Variants in LOXL2 observed in about 807,000 individuals in gnomAD.
LOXL2 encodes lysyl oxidase like 2, also known as lysyl oxidase homolog 2.
In LOXL2, 70 loss-of-function variants were observed where a neutral mutation model predicts 93.0. The ratio of observed to expected loss-of-function variants is 0.75; its 90% confidence interval spans 0.62 to 0.92. LOXL2 has a LOEUF of 0.92. Ranked by LOEUF, LOXL2 falls within the 40% of genes least tolerant of loss-of-function variation. LOXL2 has a pLI of 0.00. For synonymous variants in LOXL2, 438 were observed against 413.2 expected, an observed-to-expected ratio of 1.06 and a Z score of -0.73; for missense variants, 973 against 1,054.9, an observed-to-expected ratio of 0.92 and a Z score of 1.08.
At chr8:23,308,490 G>A (rs1235480197) in intron 10 of LOXL2, among the ~76,000 whole-genome samples, 2 of 152,192 alleles carry the variant, frequency 1.3e-5, no homozygotes, top group Non-Finnish European at 2.9e-5. Context: ...GCCCCTCGGG[G>A]GCTTCCTGCT....
rs530052696 is a variant in LOXL2 at position 23,389,754 on chromosome 8, T to C, written c.-84+14200A>G. 2.5e-3 allele frequency among the ~76,000 whole-genome samples: 387 copies of C among 152,270 alleles called. 3 individuals carry two copies. Among genetic ancestry groups the C allele is most frequent in the Non-Finnish European group, 4.4e-3 (296 of 68,018 alleles). The stretch of plus-strand genomic sequence containing the variant: ...TTCCCTAATATGAGTATGTGGGGCA[T>C]AGGACTCTCACAAAGCAGGCTTCAA... On this transcript the variant is annotated intron_variant, in intron 1 of 13. Coordinates refer to ENST00000389131, the MANE Select transcript of LOXL2 (RefSeq NM_002318.3).
intron 3 of LOXL2, among the ~76,000 whole-genome samples, chr8:23,343,771 C>G (rs1803924249): frequency 6.6e-6 from 1 of 152,200 alleles, no homozygotes; most frequent in South Asian, 2.1e-4. Flanking sequence ...AGCCCTCATT[C>G]AGGCCGCAGG....
rs151333703 is a variant in LOXL2 at position 23,354,248 on chromosome 8, G to T, written c.531+5842C>A. On this transcript the variant is annotated intron_variant, in intron 3 of 13. Coordinates refer to ENST00000389131, the MANE Select transcript of LOXL2 (RefSeq NM_002318.3). ...TCTGTGACCTGTCCCCAATCTCCAG[G>T]GGTTAATGAGGGTGAATGTTACAGA... Among the ~76,000 whole-genome samples the T allele has an allele frequency of 2.4e-3, 359 of 152,268 alleles. 1 individual carries two copies. The highest frequency in any genetic ancestry group is 8.3e-3 in the African/African-American group (344 of 41,550).
At chr8:23,317,817 A>C (rs1057513916) in intron 8 of LOXL2, among the ~76,000 whole-genome samples, 9 of 152,292 alleles carry the variant, frequency 5.9e-5, no homozygotes, top group African/African-American at 2.2e-4. Flanking sequence ...TGGGATCGTC[A>C]GGTACAGAAA....
chr8:23,344,458 GTA>G (rs1396359899), intron 3 of LOXL2, among the ~76,000 whole-genome samples: 2 of 151,034 alleles, frequency 1.3e-5, no homozygotes, highest in African/African-American at 4.8e-5. Flanking sequence ...TGTGTGGTGT[GTA>G]TCTCTGTGTC....
intron 3 of LOXL2, among the ~76,000 whole-genome samples, chr8:23,355,512 CTTTTTTTTTTT>C (rs58824822): frequency 0.28 from 22,879 of 80,760 alleles, 2,534 homozygotes; most frequent in Middle Eastern, 0.43. Context: ...TTGACATTCA[CTTTTTTTTTTT>C]TTTTTTTTTT....
intron 1 of LOXL2, among the ~76,000 whole-genome samples, chr8:23,374,729 T>C (rs143355035): frequency 0.089 from 13,497 of 152,312 alleles, 847 homozygotes; most frequent in African/African-American, 0.18. Context: ...CATGTGTCTG[T>C]TGGCTGCATA....
At position 23,374,525 on chromosome 8, in the gene LOXL2, ACT is replaced by A. The variant is rs1166286247; in HGVS notation, c.-83-6093_-83-6092del. Among the ~76,000 whole-genome samples the A allele has an allele frequency of 5.3e-5, 8 of 152,314 alleles. No homozygotes were observed. The East Asian group carries it at 1.5e-3, about 29-fold the overall frequency. ...TTCTAGATCCTTGAGGAATCGCCAC[ACT>A]GTCTTCCACAATGGTTGAACTAGTT... On this transcript the variant is annotated intron_variant, in intron 1 of 13. Coordinates refer to ENST00000389131, the MANE Select transcript of LOXL2 (RefSeq NM_002318.3).
Position 23,322,281 on chromosome 8 carries a change from C to T in LOXL2, c.1151G>A (p.Gly384Glu). 1.9e-6 allele frequency: 3 copies of T among 1,613,690 alleles called. No individual in the cohort carries two copies. Among genetic ancestry groups the T allele is most frequent in the Non-Finnish European group, 2.5e-6 (3 of 1,179,704 alleles). ...CTCGTTGAGGTGGATGGGTCCGATC[C>T]CTGCAAGGGGAGAATAAACATGCTC... ...EAVTGSRLGQGIGPIHLNEIQ... is the reference protein window; with the variant it reads ...EAVTGSRLGQEIGPIHLNEIQ... Residue 384 changes from glycine to glutamate, a missense_variant and splice_region_variant, in exon 7 of 14, where the codon GGG (glycine) becomes GAG (glutamate). Physicochemically the swap from Gly to Glu is moderately conservative, Grantham distance 98. Transcript: ENST00000389131.
chr8:23,349,646 C>T (rs781241156), intron 3 of LOXL2, among the ~76,000 whole-genome samples: 1 of 151,856 alleles, frequency 6.6e-6, no homozygotes, highest in Non-Finnish European at 1.5e-5. Flanking sequence ...TTGGCTTATA[C>T]TGACTATCTT....
chr8:23,356,616 G>A (rs918890523), intron 3 of LOXL2, among the ~76,000 whole-genome samples: 10 of 152,110 alleles, frequency 6.6e-5, no homozygotes, highest in African/African-American at 2.4e-4. Flanking sequence ...GGCTACCAAA[G>A]GGAAGAAGTT....
intron 12 of LOXL2, among the ~76,000 whole-genome samples, 166 bp downstream of exon 12, chr8:23,301,861 T>A (rs2280941): frequency 6.6e-6 from 1 of 151,996 alleles, no homozygotes. Flanking sequence ...CCATGCCTGA[T>A]ATCTTTGGGT....
intron 12 of LOXL2, among the ~76,000 whole-genome samples, chr8:23,299,367 G>A (rs2280939): frequency 0.41 from 62,976 of 151,926 alleles, 13,539 homozygotes; most frequent in Non-Finnish European, 0.45. Flanking sequence ...GTTGGAGATG[G>A]GACACTCGTC....
At chr8:23,351,690 CAT>C (rs1323861077) in intron 3 of LOXL2, among the ~76,000 whole-genome samples, 5 of 152,244 alleles carry the variant, frequency 3.3e-5, no homozygotes, top group Non-Finnish European at 7.3e-5. Context: ...CTGTTATCCA[CAT>C]ACACACCCTT....
chr8:23,334,821 GT>G (rs201308827), intron 4 of LOXL2, among the ~76,000 whole-genome samples: 101 of 142,938 alleles, frequency 7.1e-4, no homozygotes, highest in Middle Eastern at 7.2e-3. Flanking sequence ...ATTTGTTGTT[GT>G]TTTTTTTTTT....
At chr8:23,387,145 G>A (rs1355016529) in intron 1 of LOXL2, among the ~76,000 whole-genome samples, 2 of 152,206 alleles carry the variant, frequency 1.3e-5, no homozygotes, top group Non-Finnish European at 2.9e-5. Context: ...GGTTGTGCCT[G>A]GCTCTTCAGA....
chr8:23,342,940 G>A (rs1457498572), intron 3 of LOXL2, among the ~76,000 whole-genome samples: 13 of 151,944 alleles, frequency 8.6e-5, no homozygotes, highest in South Asian at 8.3e-4. Flanking sequence ...TTTCAGAGAC[G>A]AGGTCTCACT....
intron 3 of LOXL2, among the ~76,000 whole-genome samples, chr8:23,358,927 C>T (rs1428722030): frequency 4.6e-5 from 7 of 151,444 alleles, no homozygotes; most frequent in South Asian, 2.1e-4. Context: ...GTGCAAGCTC[C>T]GCCTCCTGGG....
rs77979068 is a variant in LOXL2 at position 23,344,113 on chromosome 8, C to T, written c.532-2910G>A. ...CTGGCTGGAGGAGCTCAGCAGACCC[C>T]GCTGGAAAGAGCTACGCGGGCCTGA... is the stretch of plus-strand genomic sequence containing the variant. On this transcript the variant is annotated intron_variant, in intron 3 of 13. Transcript: ENST00000389131. 8.4e-3 allele frequency among the ~76,000 whole-genome samples: 1,276 copies of T among 152,310 alleles called. 47 individuals carry two copies. The East Asian group carries it at 0.13, about 15-fold the overall frequency.
Sources: allele counts gnomAD v4.1 joint callset (sites outside exome capture counted in the v4.1 genomes callset), GRCh38; gene constraint gnomAD v4.1.1; transcripts MANE v1.5; gene names NCBI Gene and HGNC (gene_info 2026-07-23, HGNC 2026-07-21).